CADM1: variants seen among roughly 807,000 people sequenced by gnomAD.
The protein encoded by CADM1 is cell adhesion molecule 1.
CADM1 carries 15 observed loss-of-function variants against 53.1 expected under a neutral mutation model. The ratio of observed to expected loss-of-function variants is 0.28; its 90% CI spans 0.19 to 0.44. CADM1 has a LOEUF of 0.44. Ranked by LOEUF, CADM1 falls within the 20% of genes least tolerant of loss-of-function variation. The pLI is 1.00. For missense variants in CADM1, 434 were observed against 611.3 expected (o/e 0.71, Z 3.06); for synonymous variants, 281 against 243.0 (o/e 1.16, Z -1.45).
At chr11:115,503,959 C>T (rs1455787707) in intron 1 of CADM1, among the ~76,000 whole-genome samples, 1 of 152,050 alleles carries the variant, frequency 6.6e-6, no homozygotes, top group Non-Finnish European at 1.5e-5. Flanking sequence ...CCATCCCCTT[C>T]CCCCATGCTT....
chr11:115,404,245 G>A (rs1428543232), intron 1 of CADM1, among the ~76,000 whole-genome samples: 1 of 146,782 alleles, frequency 6.8e-6, no homozygotes, highest in Non-Finnish European at 1.5e-5. Flanking sequence ...AGAATTGCTT[G>A]AACCCAGGAG....
At chr11:115,361,105 G>A (rs1454843132) in intron 1 of CADM1, among the ~76,000 whole-genome samples, 1 of 152,154 alleles carries the variant, frequency 6.6e-6, no homozygotes, top group African/African-American at 2.4e-5. Context: ...AGAGCAGGGT[G>A]GGGAAAGAGG....
chr11:115,337,921 T>G (rs1945310020), intron 1 of CADM1, among the ~76,000 whole-genome samples: 1 of 152,208 alleles, frequency 6.6e-6, no homozygotes, highest in Admixed American at 6.5e-5. Flanking sequence ...GAACTGAGGT[T>G]GAATTTTGAC....
At chr11:115,198,741 G>C (rs1183296696) in intron 8 of CADM1, among the ~76,000 whole-genome samples, 3 of 152,172 alleles carry the variant, frequency 2.0e-5, no homozygotes, top group African/African-American at 7.2e-5. Context: ...AAAGTGATGA[G>C]AAACACCAGT....
At chr11:115,290,224 C>T (rs1386592285) in intron 1 of CADM1, among the ~76,000 whole-genome samples, 1 of 152,188 alleles carries the variant, frequency 6.6e-6, no homozygotes, top group Non-Finnish European at 1.5e-5. Flanking sequence ...TACACAGTGG[C>T]TCTGCAGTGT....
chr11:115,191,106 T>C (rs930127368), intron 9 of CADM1, 165 bp from the exon 10 acceptor site: 2 of 625,128 alleles, frequency 3.2e-6, no homozygotes, highest in Admixed American at 2.8e-5. Context: ...TCTTCAATTA[T>C]GTAATTTTGT....
rs10891802 is a variant in CADM1, at chr11:115,173,168, C to A, written c.*3306G>T. 0.44 allele frequency: 67,071 copies of A among 151,878 alleles called. 16,007 individuals carry two copies. Among genetic ancestry groups the A allele is most frequent in the Non-Finnish European group, 0.53 (35,903 of 67,970 alleles). 9.4% of individuals were successfully genotyped at this position (151,878 alleles called of 1,614,324 possible). A position where few individuals can be genotyped will look rare whatever the true frequency, so the allele number is the denominator to read the frequency against. On this transcript the variant is annotated 3_prime_UTR_variant, in exon 12 of 12. Transcript: ENST00000331581. ...TTTTTATGAAAGGAGAGAGAACTTT[C>A]AAGGAAGAAGGCAGAATGAATTGTT... is the stretch of plus-strand genomic sequence containing the variant.
At chr11:115,400,661 G>GTACATA (rs1555079464) in intron 1 of CADM1, among the ~76,000 whole-genome samples, 2 of 46,560 alleles carry the variant, frequency 4.3e-5, no homozygotes, top group Non-Finnish European at 4.4e-5. Flanking sequence ...GTGTGTGTGT[G>GTACATA]TATATATATA....
chr11:115,351,301 C>T (rs10488709), intron 1 of CADM1, among the ~76,000 whole-genome samples: 50,029 of 151,980 alleles, frequency 0.33, 9,172 homozygotes, highest in Non-Finnish European at 0.43. Flanking sequence ...CTTAGGAAGA[C>T]GTACCTTCAT....
At chr11:115,268,161 G>T (rs1417551902) in intron 1 of CADM1, among the ~76,000 whole-genome samples, 1 of 152,290 alleles carries the variant, frequency 6.6e-6, no homozygotes, top group East Asian at 1.9e-4. Context: ...CCACATATTT[G>T]TGACGCAGCT....
intron 1 of CADM1, among the ~76,000 whole-genome samples, chr11:115,347,025 T>C (rs1389399065): frequency 2.6e-5 from 4 of 152,092 alleles, no homozygotes; most frequent in Non-Finnish European, 5.9e-5. Flanking sequence ...CTAAACTAAA[T>C]AAGCATATAA....
intron 1 of CADM1, among the ~76,000 whole-genome samples, chr11:115,332,198 C>A (rs1286852127): frequency 6.6e-6 from 1 of 152,166 alleles, no homozygotes; most frequent in Non-Finnish European, 1.5e-5. Context: ...CCTCCCCTAT[C>A]TTCCCATACT....
At chr11:115,375,585 T>C (rs1447905483) in intron 1 of CADM1, among the ~76,000 whole-genome samples, 1 of 152,182 alleles carries the variant, frequency 6.6e-6, no homozygotes, top group African/African-American at 2.4e-5. Context: ...ATTTAATACT[T>C]TGTGATGTAT....
chr11:115,203,382 G>GTT (rs1940528990), intron 8 of CADM1, among the ~76,000 whole-genome samples: 1 of 152,180 alleles, frequency 6.6e-6, no homozygotes, highest in Non-Finnish European at 1.5e-5. Context: ...GGAAGGAAAA[G>GTT]AAGAGGATGT....
chr11:115,275,778 C>T (rs772661640), intron 1 of CADM1, among the ~76,000 whole-genome samples: 5 of 152,082 alleles, frequency 3.3e-5, no homozygotes, highest in Non-Finnish European at 7.4e-5. Context: ...AATAAGAATG[C>T]GTTAGAGGAT....
intron 1 of CADM1, chr11:115,287,273 C>G (rs540872874): frequency 9.2e-5 from 14 of 152,314 alleles, no homozygotes; most frequent in African/African-American, 3.4e-4. Context: ...CTAACACCTG[C>G]CTCCATGGGG....
At chr11:115,209,445 G>T in intron 8 of CADM1, 129 bp downstream of exon 8, 1 of 1,358,702 alleles carries the variant, frequency 7.4e-7, no homozygotes, top group Non-Finnish European at 1.0e-6. Context: ...ATCTAATGTC[G>T]TTGGAGTTCC....
At chr11:115,348,491 C>T (rs940965842) in intron 1 of CADM1, among the ~76,000 whole-genome samples, 3 of 152,146 alleles carry the variant, frequency 2.0e-5, no homozygotes, top group Admixed American at 6.5e-5. Context: ...GAAAACCTTA[C>T]CCTTCACTGA....
At chr11:115,199,287 G>A (rs745601607) in intron 8 of CADM1, among the ~76,000 whole-genome samples, 14 of 152,202 alleles carry the variant, frequency 9.2e-5, no homozygotes, top group East Asian at 3.8e-4. Context: ...TCAGAACCAC[G>A]TTCACCATTC....
Sources: gnomAD v4.1 joint callset for allele counts (sites outside exome capture counted in the v4.1 genomes callset) on GRCh38, gnomAD v4.1.1 for gene constraint, MANE v1.5 for transcripts, NCBI Gene and HGNC (gene_info 2026-07-23, HGNC 2026-07-21) for gene names.